AGBL4: variants seen among roughly 807,000 people sequenced by gnomAD.
AGBL4 encodes AGBL carboxypeptidase 4, also known as cytosolic carboxypeptidase 6.
In AGBL4, 58 loss-of-function variants were observed where a neutral mutation model predicts 66.4. That is an observed-to-expected ratio of 0.87 (90% CI 0.71 to 1.09). AGBL4 has a LOEUF of 1.09. Among genes scored for constraint, AGBL4 ranks in the 50% least tolerant of loss-of-function variants. The probability of loss-of-function intolerance (pLI) is 0.00; values close to 1 mark genes in which losing one functional copy is unlikely to be tolerated. For synonymous variants in AGBL4, 234 were observed against 222.9 expected, an observed-to-expected ratio of 1.05 and a Z score of -0.44; for missense variants, 579 against 631.0, an observed-to-expected ratio of 0.92 and a Z score of 0.88.
intron 2 of AGBL4, among the ~76,000 whole-genome samples, chr1:49,847,705 G>GT (rs143820918): frequency 0.015 from 2,096 of 141,970 alleles, 25 homozygotes; most frequent in Middle Eastern, 0.029. Flanking sequence ...AAATAAACTT[G>GT]TTTTTTTTTT....
At chr1:49,483,783 C>T (rs1022493327) in intron 3 of AGBL4, among the ~76,000 whole-genome samples, 31 of 151,590 alleles carry the variant, frequency 2.0e-4, no homozygotes, top group African/African-American at 7.3e-4. Context: ...GAAACTTATG[C>T]ACAGTATAGG....
chr1:49,729,550 C>A (rs1649276401), intron 2 of AGBL4, among the ~76,000 whole-genome samples: 1 of 151,954 alleles, frequency 6.6e-6, no homozygotes, highest in South Asian at 2.1e-4. Context: ...GAGATTAACC[C>A]CCCCAAAATC....
rs577215175 is a variant in AGBL4 at position 49,270,300 on chromosome 1, T to C, written c.283-24436A>G. 8.5e-5 allele frequency among the ~76,000 whole-genome samples: 13 copies of C among 152,298 alleles called. No homozygotes were observed. The South Asian group carries it at 2.7e-3, about 32-fold the overall frequency. ...TTGTTTTATGTCCTTGAAAGCTTCC[T>C]TGTGACCAAGTAGGAGCTCTCTCTC... On this transcript the variant is annotated intron_variant, in intron 3 of 13. Coordinates refer to ENST00000371839, the MANE Select transcript of AGBL4 (RefSeq NM_032785.4).
chr1:48,889,129 G>C (rs1650663192), intron 5 of AGBL4, among the ~76,000 whole-genome samples: 1 of 152,134 alleles, frequency 6.6e-6, no homozygotes, highest in Admixed American at 6.5e-5. Context: ...GTAGTGCTTG[G>C]GAAAGACCCA....
intron 5 of AGBL4, among the ~76,000 whole-genome samples, chr1:49,025,433 A>T (rs1412974066): frequency 6.6e-6 from 1 of 152,156 alleles, no homozygotes; most frequent in Non-Finnish European, 1.5e-5. Flanking sequence ...AGGATGTTCC[A>T]GTGTATTTGG....
intron 3 of AGBL4, among the ~76,000 whole-genome samples, chr1:49,364,915 C>A (rs1325173511): frequency 6.6e-6 from 1 of 152,190 alleles, no homozygotes; most frequent in African/African-American, 2.4e-5. Context: ...CCTGCATTTT[C>A]AACCACTATA....
intron 5 of AGBL4, among the ~76,000 whole-genome samples, chr1:48,923,627 A>G (rs1461191337): frequency 6.6e-6 from 1 of 152,250 alleles, no homozygotes; most frequent in Non-Finnish European, 1.5e-5. Flanking sequence ...TAGAACATAC[A>G]GCCCCAGTAT....
chr1:49,880,348 G>A (rs1647189221), intron 1 of AGBL4, among the ~76,000 whole-genome samples: 1 of 151,894 alleles, frequency 6.6e-6, no homozygotes, highest in Non-Finnish European at 1.5e-5. Context: ...CAGTGTGGAT[G>A]TCCTTTCTGT....
intron 3 of AGBL4, among the ~76,000 whole-genome samples, chr1:49,367,093 G>T (rs1557873854): frequency 6.6e-6 from 1 of 152,166 alleles, no homozygotes; most frequent in Non-Finnish European, 1.5e-5. Context: ...AAACAGGATG[G>T]ATAATGACTA....
chr1:49,060,543 T>A (rs1349052759), intron 4 of AGBL4, among the ~76,000 whole-genome samples: 1 of 152,098 alleles, frequency 6.6e-6, no homozygotes, highest in African/African-American at 2.4e-5. Context: ...TTTTTCAGCG[T>A]GTAGACATAG....
chr1:49,055,911 T>C (rs1484769672), intron 4 of AGBL4, among the ~76,000 whole-genome samples: 1 of 152,214 alleles, frequency 6.6e-6, no homozygotes, highest in East Asian at 1.9e-4. Flanking sequence ...TTAGTTCTCC[T>C]ATTCACTTTC....
intron 5 of AGBL4, among the ~76,000 whole-genome samples, chr1:49,001,126 T>A (rs2148991085): frequency 6.6e-6 from 1 of 152,306 alleles, no homozygotes; most frequent in East Asian, 1.9e-4. Context: ...TTATGCTTCA[T>A]TTTTAGGAAC....
chr1:48,833,208 T>G (rs746119599), intron 6 of AGBL4, among the ~76,000 whole-genome samples: 92 of 152,098 alleles, frequency 6.0e-4, no homozygotes, highest in Non-Finnish European at 1.1e-3. Context: ...AGTTTTGAGG[T>G]GCAAGTTAGA....
At chr1:48,804,484 T>G (rs1003604931) in intron 6 of AGBL4, among the ~76,000 whole-genome samples, 2 of 152,164 alleles carry the variant, frequency 1.3e-5, no homozygotes, top group Non-Finnish European at 2.9e-5. Context: ...TATACACAAG[T>G]CTCTCTGAGC....
chr1:48,989,637 C>A (rs940803284), intron 5 of AGBL4, among the ~76,000 whole-genome samples: 1 of 152,116 alleles, frequency 6.6e-6, no homozygotes, highest in Admixed American at 6.6e-5. Flanking sequence ...GTTTGTCATT[C>A]GGTGCCTGGC....
At chr1:48,621,835 A>G (rs1293689111) in intron 9 of AGBL4, among the ~76,000 whole-genome samples, 1 of 150,244 alleles carries the variant, frequency 6.7e-6, no homozygotes, top group Non-Finnish European at 1.5e-5. Context: ...TTTTTTTTGC[A>G]TAAATCCTTA....
At chr1:49,541,919 G>T (rs1305369108) in intron 3 of AGBL4, among the ~76,000 whole-genome samples, 4 of 151,936 alleles carry the variant, frequency 2.6e-5, no homozygotes, top group African/African-American at 4.8e-5. Flanking sequence ...GTGGGGACTT[G>T]GAGAACCTTT....
intron 9 of AGBL4, among the ~76,000 whole-genome samples, chr1:48,602,527 G>T (rs1645088440): frequency 6.6e-6 from 1 of 152,130 alleles, no homozygotes; most frequent in Non-Finnish European, 1.5e-5. Context: ...ATGGCCCTGT[G>T]GGGAGAGCCT....
chr1:49,708,080 A>G (rs908017601), intron 2 of AGBL4, among the ~76,000 whole-genome samples: 1 of 152,020 alleles, frequency 6.6e-6, no homozygotes, highest in Non-Finnish European at 1.5e-5. Context: ...CTGTATTTCC[A>G]GAATTTGAAT....
Sources: gnomAD v4.1 joint callset for allele counts (sites outside exome capture counted in the v4.1 genomes callset) on GRCh38, gnomAD v4.1.1 for gene constraint, MANE v1.5 for transcripts, NCBI Gene and HGNC (gene_info 2026-07-23, HGNC 2026-07-21) for gene names.